The following ATXN1 variants were observed in gnomAD, a reference collection of about 807,000 sequenced individuals.
The protein encoded by ATXN1 is ataxin 1.
In ATXN1, 8 loss-of-function variants were observed where a neutral mutation model predicts 56.4. The ratio of observed to expected loss-of-function variants is 0.14; its 90% CI spans 0.08 to 0.26. The LOEUF (loss-of-function observed/expected upper bound fraction) is 0.26. ATXN1 is among the 10% of genes least tolerant of loss of function. The pLI, the probability that ATXN1 is intolerant of heterozygous loss-of-function variation, is 1.00. For missense variants in ATXN1, 987 were observed against 1,106.5 expected (o/e 0.89, Z 1.53); for synonymous variants, 514 against 494.6 (o/e 1.04, Z -0.52).
At chr6:16,308,931 T>TAAA (rs1404354744) in intron 7 of ATXN1, among the ~76,000 whole-genome samples, 3 of 152,022 alleles carry the variant, frequency 2.0e-5, no homozygotes, top group Non-Finnish European at 4.4e-5. Context: ...AATCTGTTTT[T>TAAA]AAAAGATCCA....
rs565461839 is a variant in ATXN1 at position 16,540,368 on chromosome 6, C to T, written c.-360-17680G>A. Reference sequence around the variant, plus strand: ...CTGGGACTACAGGCGCGTGCCACCACGCCTGGCTAATTTTTTATATTTTTA... The same window carrying T: ...CTGGGACTACAGGCGCGTGCCACCATGCCTGGCTAATTTTTTATATTTTTA... On this transcript the variant is annotated intron_variant, in intron 4 of 7. Coordinates refer to ENST00000436367, the MANE Select transcript of ATXN1 (RefSeq NM_001128164.2). Among the ~76,000 whole-genome samples, 174 of 152,230 alleles carry T rather than the reference C, an allele frequency of 1.1e-3. 1 individual carries two copies. Among genetic ancestry groups the T allele is most frequent in the African/African-American group, 3.8e-3 (158 of 41,532 alleles).
chr6:16,578,522 T>G (rs1252889602), intron 4 of ATXN1, among the ~76,000 whole-genome samples: 1 of 152,248 alleles, frequency 6.6e-6, no homozygotes, highest in Non-Finnish European at 1.5e-5. Flanking sequence ...ATCCTGGAAT[T>G]AAACAGAAGA....
intron 5 of ATXN1, among the ~76,000 whole-genome samples, chr6:16,497,776 C>A (rs1261321991): frequency 6.6e-6 from 1 of 152,096 alleles, no homozygotes; most frequent in Non-Finnish European, 1.5e-5. Context: ...TTAACACAGA[C>A]CTTTCCAGGT....
At chr6:16,660,327 G>A (rs1246086829) in intron 2 of ATXN1, among the ~76,000 whole-genome samples, 1 of 152,204 alleles carries the variant, frequency 6.6e-6, no homozygotes, top group African/African-American at 2.4e-5. Context: ...GGCATTCACA[G>A]ATATGCCTGC....
rs1212904671 is a variant in ATXN1 at position 16,328,220 on chromosome 6, G to C, written c.91C>G (p.Pro31Ala). Residue 31 changes from proline (P) to alanine (A), a missense_variant, in exon 7 of 8, where the codon CCT becomes GCT. By Grantham distance (27) the Pro-to-Ala change is conservative. This residue lies in a region of ATXN1 where 723 missense variants were observed against 791.7 expected (regional missense o/e 0.91). Coordinates refer to ENST00000436367, the MANE Select transcript of ATXN1 (RefSeq NM_001128164.2). The surrounding 1 kb of genome is among the most constrained non-coding windows in gnomAD (Gnocchi z 6.2). ...ATSRSSEEKA[P>A]TLPSDNHRVE... The stretch of plus-strand genomic sequence containing the variant: ...CGGTGGTTGTCGCTGGGCAGGGTAG[G>C]GGCCTTCTCCTCGGAGGACCGGCTG... 6.3e-6 allele frequency: 10 copies of C among 1,589,256 alleles called. No homozygotes were observed. The highest frequency in any genetic ancestry group is 6.9e-6 in the Non-Finnish European group (8 of 1,165,252).
At chr6:16,420,116 C>T (rs541296277) in intron 6 of ATXN1, among the ~76,000 whole-genome samples, 42 of 152,274 alleles carry the variant, frequency 2.8e-4, no homozygotes, top group African/African-American at 7.9e-4. Flanking sequence ...GAAAGTCACA[C>T]GTTAATGCAA....
rs571690687 is a variant in ATXN1, at chr6:16,701,092, C to A, written c.-614-43191G>T. ...GGTGATAAACCCTAGGAATGGCATACGTGTTGTGACGTTCTGGTTTAAAAC... is the reference window on the plus strand; with the variant it reads ...GGTGATAAACCCTAGGAATGGCATAAGTGTTGTGACGTTCTGGTTTAAAAC... On this transcript the variant is annotated intron_variant, in intron 2 of 7. Coordinates refer to ENST00000436367, the MANE Select transcript of ATXN1 (RefSeq NM_001128164.2). Among the ~76,000 whole-genome samples, 3 of 151,992 alleles carry A rather than the reference C, an allele frequency of 2.0e-5. No homozygotes were observed. In the South Asian group the frequency reaches 6.2e-4, roughly 32 times the overall value.
intron 1 of ATXN1, chr6:16,754,868 A>C (rs1335559139): frequency 6.6e-6 from 1 of 152,230 alleles, no homozygotes; most frequent in East Asian, 1.9e-4. Flanking sequence ...GGCCAAGTTA[A>C]GTAGAAGTTG....
intron 6 of ATXN1, among the ~76,000 whole-genome samples, chr6:16,471,685 A>G (rs1259972058): frequency 9.6e-6 from 1 of 104,612 alleles, no homozygotes; most frequent in Non-Finnish European, 2.3e-5. Flanking sequence ...GTGTGCATGC[A>G]TGCGTGTGTG....
chr6:16,586,373 T>C (rs1762624538), intron 3 of ATXN1, among the ~76,000 whole-genome samples: 1 of 152,256 alleles, frequency 6.6e-6, no homozygotes, highest in African/African-American at 2.4e-5. Flanking sequence ...GTATTTACCA[T>C]TCCGGCCTCA....
chr6:16,536,684 A>G (rs1037983375), intron 4 of ATXN1, among the ~76,000 whole-genome samples: 1 of 152,252 alleles, frequency 6.6e-6, no homozygotes, highest in Non-Finnish European at 1.5e-5. Context: ...AGTGAAAGGC[A>G]GCACTTTTGC....
intron 2 of ATXN1, among the ~76,000 whole-genome samples, chr6:16,672,195 T>G (rs1437710032): frequency 6.6e-6 from 1 of 152,200 alleles, no homozygotes; most frequent in African/African-American, 2.4e-5. Context: ...CCAACACGTT[T>G]CCCTCTTGTT....
intron 5 of ATXN1, among the ~76,000 whole-genome samples, chr6:16,499,759 C>A (rs952648642): frequency 6.6e-6 from 1 of 152,172 alleles, no homozygotes; most frequent in African/African-American, 2.4e-5. Context: ...ATACCTAAGA[C>A]TCTGTTTATC....
chr6:16,527,496 G>T (rs572837898), intron 4 of ATXN1, among the ~76,000 whole-genome samples: 9 of 152,164 alleles, frequency 5.9e-5, no homozygotes, highest in Non-Finnish European at 1.2e-4. Context: ...CAAAGGCGGA[G>T]ATGCAAAGTA....
At chr6:16,674,126 T>C (rs1356137357) in intron 2 of ATXN1, among the ~76,000 whole-genome samples, 1 of 152,132 alleles carries the variant, frequency 6.6e-6, no homozygotes, top group Non-Finnish European at 1.5e-5. Context: ...CTGTTTGACA[T>C]TTTAAAACAG....
intron 3 of ATXN1, among the ~76,000 whole-genome samples, chr6:16,604,081 T>A (rs577449776): frequency 5.9e-5 from 9 of 152,206 alleles, no homozygotes; most frequent in African/African-American, 2.2e-4. Flanking sequence ...TGTCCTCTCA[T>A]GGATAAGGCT....
At chr6:16,500,665 T>C (rs1428879431) in intron 5 of ATXN1, among the ~76,000 whole-genome samples, 1 of 150,564 alleles carries the variant, frequency 6.6e-6, no homozygotes, top group Non-Finnish European at 1.5e-5. Context: ...CTGGGTAGGG[T>C]TTTCAGAGAT....
At chr6:16,750,933 A>G (rs972182095) in intron 2 of ATXN1, among the ~76,000 whole-genome samples, 1 of 151,828 alleles carries the variant, frequency 6.6e-6, no homozygotes, top group Non-Finnish European at 1.5e-5. Context: ...ATAAAGTAGC[A>G]GTAAGACACT....
At chr6:16,727,286 T>C (rs968421824) in intron 2 of ATXN1, among the ~76,000 whole-genome samples, 3 of 152,128 alleles carry the variant, frequency 2.0e-5, no homozygotes, top group African/African-American at 7.2e-5. Context: ...AGCAATTAAT[T>C]TTGGATCCAT....
Sources: gnomAD v4.1 joint callset for allele counts (sites outside exome capture counted in the v4.1 genomes callset) on GRCh38, gnomAD v4.1.1 for gene constraint, gnomAD v4.1.1 regional missense constraint, Gnocchi (gnomAD v3.1) non-coding constraint, MANE v1.5 for transcripts, NCBI Gene and HGNC (gene_info 2026-07-23, HGNC 2026-07-21) for gene names.